The following ZMYM5 variants were observed in gnomAD, a reference collection of about 807,000 sequenced individuals.
The protein encoded by ZMYM5 is zinc finger MYM-type protein 5.
Under a neutral mutation model 61.8 loss-of-function variants are expected in ZMYM5, and 41 were observed. That is an observed-to-expected ratio of 0.66 (90% CI 0.52 to 0.86). The LOEUF (loss-of-function observed/expected upper bound fraction) is 0.86, where lower values mean the gene tolerates loss of function less well. Ranked by LOEUF, ZMYM5 falls within the 40% of genes least tolerant of loss-of-function variation. The pLI, the probability that ZMYM5 is intolerant of heterozygous loss-of-function variation, is 0.00. For synonymous variants in ZMYM5, 257 were observed against 276.4 expected, an observed-to-expected ratio of 0.93 and a Z score of 0.70; for missense variants, 706 against 786.7, an observed-to-expected ratio of 0.90 and a Z score of 1.23.
chr13:19,840,367 C>G (rs1411568977), intron 4 of ZMYM5, among the ~76,000 whole-genome samples: 1 of 152,166 alleles, frequency 6.6e-6, no homozygotes, highest in African/African-American at 2.4e-5. Flanking sequence ...ATAAAATTAG[C>G]TGGGTGTGGT....
At chr13:19,830,006 C>T (rs1379760765) in intron 7 of ZMYM5, among the ~76,000 whole-genome samples, 1 of 152,164 alleles carries the variant, frequency 6.6e-6, no homozygotes, top group East Asian at 1.9e-4. Context: ...GAGAACTGTG[C>T]TGTGCACTGC....
chr13:19,847,980 C>T (rs936453431), intron 4 of ZMYM5, among the ~76,000 whole-genome samples: 1 of 148,230 alleles, frequency 6.7e-6, no homozygotes, highest in Non-Finnish European at 1.5e-5. Context: ...AAGATTTTAT[C>T]TTATTTTTTG....
intron 1 of ZMYM5, among the ~76,000 whole-genome samples, chr13:19,863,176 C>G (rs537887931): frequency 4.0e-5 from 6 of 151,708 alleles, no homozygotes; most frequent in Non-Finnish European, 8.9e-5. Flanking sequence ...GCGACCTCCC[C>G]GGGCGGCCGG....
chr13:19,851,260 C>G, intron 4 of ZMYM5, 95 bp downstream of exon 4: 1 of 1,172,202 alleles, frequency 8.5e-7, no homozygotes, highest in Non-Finnish European at 1.2e-6. Context: ...AAAAGCAAAG[C>G]CACAGAATGT....
rs1566089373 is a variant in ZMYM5 at position 19,835,645 on chromosome 13, G to A, written c.1083C>T (p.Cys361=). Residue 361 remains cysteine, a synonymous_variant, in exon 7 of 8, where the codon TGC becomes TGT. Transcript: ENST00000337963. ...VSVNNVTHKL[C]SNHCFNKYRL... ...TGTACTTATTAAAGCAATGGTTACT[G>A]CACAGTTTATGTGTTACATTATTTA... 2 of 1,367,634 alleles carry A rather than the reference G, an allele frequency of 1.5e-6. No homozygotes were observed. The highest frequency in any genetic ancestry group is 2.0e-6 in the Non-Finnish European group (2 of 1,021,848). The allele number at this position is 1,367,634 out of a possible 1,614,324, so 84.7% of individuals were successfully genotyped here.
chr13:19,838,901 C>A lies in ZMYM5; in HGVS notation c.671G>T (p.Arg224Leu), dbSNP rs778790793. ...GGCTGTAGGCTGGAAATTCTGCTTA[C>A]GAAGTAAGGCCACTGGTGATAAAGA... ...VDSLSPVALL[R>L]KQNFQPTAQQ... The change falls in exon 5 of 8, where the codon CGT (arginine) becomes CTT (leucine). Residue 224 changes from arginine (R) to leucine (L), a missense_variant. Physicochemically the swap from Arg to Leu is moderately radical, Grantham distance 102. Around this residue, in one of 2 missense-constraint regions of ZMYM5, gnomAD observed 480 missense variants for 461.7 expected, o/e 1.04. Transcript: ENST00000337963. The A allele has an allele frequency of 3.1e-6, 5 of 1,614,034 alleles. No individual in the cohort carries two copies. The highest frequency in any genetic ancestry group is 2.2e-5 in the East Asian group (1 of 44,882).
In ZMYM5 at chr13:19,851,714, G is replaced by C. The variant is rs771417278; in HGVS notation, c.467C>G (p.Ser156Cys). Residue 156 changes from serine (S) to cysteine (C), a missense_variant, in exon 3 of 8, where the codon TCC becomes TGC. This residue lies in a region of ZMYM5 where 480 missense variants were observed against 461.7 expected (regional missense o/e 1.04). Transcript: ENST00000337963. The part of the protein sequence containing the change: ...TKNKTNDLDF[S>C]TSSLSRSKTK... ...CTTACTTCTTGAAAGACTGGAAGTG[G>C]AGAAATCCAAATCGTTGGTTTTGTT... is the stretch of plus-strand genomic sequence containing the variant. 22 of 1,579,908 alleles carry C rather than the reference G, an allele frequency of 1.4e-5. 1 individual carries two copies. The South Asian group carries it at 2.4e-4, about 17-fold the overall frequency.
chr13:19,854,479 G>T (rs1012139087), intron 2 of ZMYM5, among the ~76,000 whole-genome samples: 1 of 151,966 alleles, frequency 6.6e-6, no homozygotes, highest in African/African-American at 2.4e-5. Flanking sequence ...ACAAAAATTA[G>T]TCAGTCGTGG....
chr13:19,840,077 T>C lies in ZMYM5; in HGVS notation c.587-1092A>G, dbSNP rs189692294. Among the ~76,000 whole-genome samples, 440 of 152,328 alleles carry C rather than the reference T, an allele frequency of 2.9e-3. 1 individual carries two copies. The highest frequency in any genetic ancestry group is 4.1e-3 in the Non-Finnish European group (276 of 68,042). ...GATACTCTGCATTTCTAACCAACTCTCAGATGATGGTGAAGCTTTGAGAAA... is the reference window on the plus strand; with the variant it reads ...GATACTCTGCATTTCTAACCAACTCCCAGATGATGGTGAAGCTTTGAGAAA... On this transcript the variant is annotated intron_variant, in intron 4 of 7. Transcript: ENST00000337963.
chr13:19,839,203 T>C (rs912085108), intron 4 of ZMYM5, among the ~76,000 whole-genome samples: 4 of 152,062 alleles, frequency 2.6e-5, no homozygotes, highest in African/African-American at 9.7e-5. Context: ...ATAAAGTAAA[T>C]GTTGGCGTCT....
At chr13:19,839,080 G>C in intron 4 of ZMYM5, 95 bp from the exon 5 acceptor site, 1 of 1,457,830 alleles carries the variant, frequency 6.9e-7, no homozygotes, top group Non-Finnish European at 9.3e-7. Flanking sequence ...AGAGACAAGT[G>C]GGGCAGGCGT....
At chr13:19,837,384 A>G in intron 6 of ZMYM5, 1 of 1,406,392 alleles carries the variant, frequency 7.1e-7, no homozygotes. Flanking sequence ...TAATGTCATC[A>G]GTAATAACAA....
At chr13:19,852,311 G>T in intron 2 of ZMYM5, 121 bp from the exon 3 acceptor site, 1 of 1,065,090 alleles carries the variant, frequency 9.4e-7, no homozygotes, top group South Asian at 2.0e-5. Flanking sequence ...TATCCATTTT[G>T]TTTTTCCTCT....
rs1245159030 is a variant in ZMYM5 at position 19,851,352 on chromosome 13, T to A, written c.586+3A>T. On this transcript the variant is annotated splice_donor_region_variant and intron_variant, in intron 4 of 7. Coordinates refer to ENST00000337963, the MANE Select transcript of ZMYM5 (RefSeq NM_001142684.2). ...GGTAGAAACAGTATCACTTACTGCT[T>A]ACCAGGACTATGATGAGTTGCAAAT... is the stretch of plus-strand genomic sequence containing the variant. The A allele has an allele frequency of 6.2e-7, 1 of 1,612,510 alleles. No individual in the cohort carries two copies. The highest frequency in any genetic ancestry group is 8.5e-7 in the Non-Finnish European group (1 of 1,178,516).
intron 7 of ZMYM5, among the ~76,000 whole-genome samples, chr13:19,834,445 C>T (rs1184573969): frequency 6.6e-6 from 1 of 151,174 alleles, no homozygotes; most frequent in Non-Finnish European, 1.5e-5. Flanking sequence ...CAGACAACTA[C>T]CACATTTTAA....
rs755631089 is a variant in ZMYM5 at position 19,851,439 on chromosome 13, C to T, written c.502G>A (p.Gly168Arg). The T allele has an allele frequency of 1.9e-5, 31 of 1,613,940 alleles. No homozygotes were observed. The highest frequency in any genetic ancestry group is 2.5e-5 in the Non-Finnish European group (29 of 1,179,990). ...SSLSRSKTKT[G>R]VRPFNPGRMN... Reference sequence around the variant, plus strand: ...CTACCAGGGTTAAAAGGTCTTACTCCAGTCTTGGTCTGTGGAGTTAAAGAT... The same window carrying T: ...CTACCAGGGTTAAAAGGTCTTACTCTAGTCTTGGTCTGTGGAGTTAAAGAT... Residue 168 changes from glycine (G) to arginine (R), a missense_variant, in exon 4 of 8, where the codon GGA becomes AGA. Gly to Arg is a moderately radical substitution (Grantham distance 125, BLOSUM62 -2). This residue lies in a region of ZMYM5 where 480 missense variants were observed against 461.7 expected (regional missense o/e 1.04). Transcript: ENST00000337963.
intron 4 of ZMYM5, among the ~76,000 whole-genome samples, chr13:19,848,836 C>T (rs1175806451): frequency 1.3e-5 from 2 of 151,680 alleles, no homozygotes; most frequent in South Asian, 2.1e-4. Flanking sequence ...TGCCCAGCCC[C>T]ACCTCAGCCT....
chr13:19,826,906 T>C (rs889042920), intron 7 of ZMYM5, among the ~76,000 whole-genome samples: 1 of 152,004 alleles, frequency 6.6e-6, no homozygotes. Context: ...ATCCATGCAA[T>C]GGATAAAAAC....
chr13:19,842,899 G>A (rs902987498), intron 4 of ZMYM5, among the ~76,000 whole-genome samples: 1 of 132,798 alleles, frequency 7.5e-6, no homozygotes, highest in Admixed American at 9.3e-5. Context: ...GGCAGAGGTT[G>A]CAGTGAGCCA....
Sources: gnomAD v4.1 joint callset for allele counts (sites outside exome capture counted in the v4.1 genomes callset) on GRCh38, gnomAD v4.1.1 for gene constraint, gnomAD v4.1.1 regional missense constraint, MANE v1.5 for transcripts, NCBI Gene and HGNC (gene_info 2026-07-23, HGNC 2026-07-21) for gene names.